FIGN: variants seen among roughly 807,000 people sequenced by gnomAD.
FIGN encodes the protein fidgetin.
A neutral mutation model predicts 51.3 loss-of-function variants in FIGN; 11 were observed. The observed-to-expected ratio is 0.21, with a 90% confidence interval of 0.13 to 0.35. FIGN has a LOEUF of 0.35. FIGN is among the 10% of genes least tolerant of loss of function. FIGN has a pLI of 1.00. For synonymous variants in FIGN, 407 were observed against 363.2 expected, an observed-to-expected ratio of 1.12 and a Z score of -1.37; for missense variants, 857 against 943.6, an observed-to-expected ratio of 0.91 and a Z score of 1.20.
intron 2 of FIGN, among the ~76,000 whole-genome samples, chr2:163,666,147 T>C (rs1386992293): frequency 2.0e-5 from 3 of 152,168 alleles, no homozygotes; most frequent in Non-Finnish European, 4.4e-5. Flanking sequence ...AACCTGAGTT[T>C]GGTAGAAAGA....
intron 2 of FIGN, among the ~76,000 whole-genome samples, chr2:163,647,707 T>C (rs959754495): frequency 6.6e-6 from 1 of 152,200 alleles, no homozygotes; most frequent in African/African-American, 2.4e-5. Context: ...TTCATACAAA[T>C]GTACAATGTG....
At chr2:163,614,021 T>C (rs1204799121) in intron 2 of FIGN, among the ~76,000 whole-genome samples, 1 of 152,122 alleles carries the variant, frequency 6.6e-6, no homozygotes, top group Non-Finnish European at 1.5e-5. Context: ...CCAAAATTCA[T>C]ATTTATGTTT....
At chr2:163,734,225 G>A (rs192712999) in intron 2 of FIGN, among the ~76,000 whole-genome samples, 1 of 151,956 alleles carries the variant, frequency 6.6e-6, no homozygotes, top group African/African-American at 2.4e-5. Flanking sequence ...ACAGGCAGAC[G>A]AGTGAATGGA....
At chr2:163,660,880 T>TATATATATA (rs1491524841) in intron 2 of FIGN, among the ~76,000 whole-genome samples, 1 of 984 alleles carries the variant, frequency 1.0e-3, no homozygotes, top group African/African-American at 1.5e-3. Context: ...TATATATATA[T>TATATATATA]TTTTTTTTTT....
At chr2:163,633,459 A>T (rs1283707088) in intron 2 of FIGN, among the ~76,000 whole-genome samples, 2 of 152,228 alleles carry the variant, frequency 1.3e-5, no homozygotes, top group African/African-American at 4.8e-5. Context: ...TAATATGCGT[A>T]GGAGCCAGGA....
chr2:163,636,283 TTTTG>T (rs199634297), intron 2 of FIGN, among the ~76,000 whole-genome samples: 1 of 152,078 alleles, frequency 6.6e-6, no homozygotes, highest in African/African-American at 2.4e-5. Context: ...AATGGTGATT[TTTTG>T]TTTGTTTGTT....
intron 2 of FIGN, among the ~76,000 whole-genome samples, chr2:163,631,498 G>A (rs888970783): frequency 2.0e-4 from 30 of 151,986 alleles, no homozygotes; most frequent in African/African-American, 6.3e-4. Context: ...CTCTTAGCTT[G>A]AGCGTTCTCC....
At chr2:163,626,909 A>T (rs556964191) in intron 2 of FIGN, among the ~76,000 whole-genome samples, 72 of 152,284 alleles carry the variant, frequency 4.7e-4, no homozygotes, top group Admixed American at 1.5e-3. Context: ...ATGCTAAGAG[A>T]CACTCCCACC....
chr2:163,730,881 C>CAACA (rs1389711662), intron 2 of FIGN, among the ~76,000 whole-genome samples: 1 of 152,086 alleles, frequency 6.6e-6, no homozygotes, highest in East Asian at 1.9e-4. Flanking sequence ...ATTTGCTCTT[C>CAACA]AACAATGAAC....
At chr2:163,718,522 T>G (rs557374478) in intron 2 of FIGN, among the ~76,000 whole-genome samples, 1 of 152,308 alleles carries the variant, frequency 6.6e-6, no homozygotes, top group East Asian at 1.9e-4. Flanking sequence ...GGGTGCCATC[T>G]AAGTAGTAAC....
chr2:163,670,871 A>G (rs1462711341), intron 2 of FIGN, among the ~76,000 whole-genome samples: 1 of 152,180 alleles, frequency 6.6e-6, no homozygotes, highest in Non-Finnish European at 1.5e-5. Context: ...TGGCAAAGAG[A>G]AAAAAAGACA....
In FIGN at chr2:163,610,695, CGTTGGCTTAAATGCT is replaced by C; in HGVS notation, c.1122_1136del (p.Ala375_Thr379del). On this transcript the variant is annotated inframe_deletion, in exon 3 of 3. Transcript: ENST00000333129. ...GCTGTTCAGAGGACATTAGCTGCTT[CGTTGGCTTAAATGCT>C]AAGGATGATGTTTCAGCACTTCTGT... 1 of 1,614,194 alleles carries C rather than the reference CGTTGGCTTAAATGCT, an allele frequency of 6.2e-7. No homozygotes were observed. Among genetic ancestry groups the C allele is most frequent in the Non-Finnish European group, 8.5e-7 (1 of 1,180,042 alleles).
At chr2:163,665,496 C>A (rs1683759159) in intron 2 of FIGN, among the ~76,000 whole-genome samples, 1 of 152,212 alleles carries the variant, frequency 6.6e-6, no homozygotes, top group South Asian at 2.1e-4. Flanking sequence ...GACTAACATT[C>A]CTGCAGGCAA....
intron 2 of FIGN, among the ~76,000 whole-genome samples, chr2:163,669,889 G>A (rs897610353): frequency 1.4e-4 from 22 of 152,134 alleles, no homozygotes; most frequent in African/African-American, 5.3e-4. Flanking sequence ...GGGTAAGTAG[G>A]ATTTAATAGA....
chr2:163,609,380 T>C lies in FIGN; in HGVS notation c.*172A>G. The C allele has an allele frequency of 1.6e-6, 1 of 617,484 alleles. No homozygotes were observed. Among genetic ancestry groups the C allele is most frequent in the Non-Finnish European group, 2.8e-6 (1 of 359,336 alleles). 38.3% of individuals were successfully genotyped at this position (617,484 alleles called of 1,614,324 possible). ...GGCTTTCAAATCAGAAGCTCTCATTTGATGCACTTTTCCTCCAAATCTACC... is the reference window on the plus strand; with the variant it reads ...GGCTTTCAAATCAGAAGCTCTCATTCGATGCACTTTTCCTCCAAATCTACC... On this transcript the variant is annotated 3_prime_UTR_variant, in exon 3 of 3. Transcript: ENST00000333129.
intron 2 of FIGN, among the ~76,000 whole-genome samples, chr2:163,629,109 C>A (rs1297814587): frequency 1.3e-5 from 2 of 152,096 alleles, no homozygotes; most frequent in Admixed American, 6.5e-5. Context: ...TAATGGAAGA[C>A]AGAGTAGAGA....
At chr2:163,674,935 C>T (rs1328221873) in intron 2 of FIGN, among the ~76,000 whole-genome samples, 3 of 152,088 alleles carry the variant, frequency 2.0e-5, no homozygotes, top group African/African-American at 7.2e-5. Context: ...GGAACTTGAA[C>T]CTTTGATTAG....
At chr2:163,722,744 T>C (rs1684777462) in intron 2 of FIGN, among the ~76,000 whole-genome samples, 1 of 152,056 alleles carries the variant, frequency 6.6e-6, no homozygotes, top group South Asian at 2.1e-4. Context: ...ATTATAAAAC[T>C]ATTTTTCAGG....
chr2:163,639,146 T>C (rs1057087623), intron 2 of FIGN, among the ~76,000 whole-genome samples: 4 of 152,162 alleles, frequency 2.6e-5, no homozygotes, highest in African/African-American at 9.7e-5. Context: ...TTCAATGCTC[T>C]TTACCTGATA....
Sources: allele counts gnomAD v4.1 joint callset (sites outside exome capture counted in the v4.1 genomes callset), GRCh38; gene constraint gnomAD v4.1.1; transcripts MANE v1.5; gene names NCBI Gene and HGNC (gene_info 2026-07-23, HGNC 2026-07-21).